SVIL: variants seen among roughly 807,000 people sequenced by gnomAD.
SVIL encodes the protein supervillin.
SVIL carries 101 observed loss-of-function variants against 240.4 expected under a neutral mutation model. The observed-to-expected ratio is 0.42, with a 90% CI of 0.36 to 0.50. The LOEUF (loss-of-function observed/expected upper bound fraction) is 0.50. Among genes scored for constraint, SVIL ranks in the 20% least tolerant of loss-of-function variants. SVIL has a pLI of 0.01. For synonymous variants in SVIL, 999 were observed against 1,100.0 expected (o/e 0.91, Z 1.82); for missense variants, 2,512 against 2,818.7 (o/e 0.89, Z 2.46).
intron 2 of SVIL, among the ~76,000 whole-genome samples, chr10:29,685,239 A>G (rs1398836259): frequency 6.6e-6 from 1 of 152,216 alleles, no homozygotes; most frequent in African/African-American, 2.4e-5. Flanking sequence ...TGTTGCTGCA[A>G]AGGACATGAT....
At chr10:29,612,537 C>A (rs997890928) in intron 1 of SVIL, among the ~76,000 whole-genome samples, 4 of 152,056 alleles carry the variant, frequency 2.6e-5, no homozygotes, top group African/African-American at 9.7e-5. Flanking sequence ...GCTGTCCTCC[C>A]AGGGTGCTCT....
At chr10:29,703,328 C>T (rs1484630156) in intron 1 of SVIL, among the ~76,000 whole-genome samples, 3 of 152,158 alleles carry the variant, frequency 2.0e-5, no homozygotes, top group Admixed American at 6.5e-5. Context: ...TGCGCTTCCC[C>T]TTCCCCAGAC....
chr10:29,580,718 G>A (rs1405569585), intron 1 of SVIL, among the ~76,000 whole-genome samples: 1 of 152,176 alleles, frequency 6.6e-6, no homozygotes, highest in African/African-American at 2.4e-5. Flanking sequence ...CCAGGCTGGA[G>A]TGCAGTGGTA....
chr10:29,507,754 A>C (rs1949488957), intron 17 of SVIL: 1 of 985,208 alleles, frequency 1.0e-6, no homozygotes, highest in African/African-American at 1.7e-5. Context: ...ATCGACACAA[A>C]AGACAGGTAT....
intron 12 of SVIL, among the ~76,000 whole-genome samples, chr10:29,527,385 TTATGTC>T (rs1396602027): frequency 6.6e-6 from 1 of 152,132 alleles, no homozygotes; most frequent in Non-Finnish European, 1.5e-5. Flanking sequence ...AATCAGTAGA[TTATGTC>T]TGTGTTTTAG....
intron 1 of SVIL, among the ~76,000 whole-genome samples, chr10:29,581,446 A>G (rs4749461): frequency 0.45 from 67,843 of 152,090 alleles, 15,511 homozygotes; most frequent in African/African-American, 0.54. Flanking sequence ...AAAATGTTGC[A>G]TTACATCACT....
intron 1 of SVIL, among the ~76,000 whole-genome samples, chr10:29,711,289 A>G (rs1171976599): frequency 1.3e-5 from 2 of 152,162 alleles, no homozygotes; most frequent in African/African-American, 4.8e-5. Context: ...GGTCCCAGCT[A>G]CTGTGGAGAC....
At chr10:29,597,378 G>A (rs562508938) in intron 1 of SVIL, among the ~76,000 whole-genome samples, 41 of 151,960 alleles carry the variant, frequency 2.7e-4, no homozygotes, top group African/African-American at 8.9e-4. Flanking sequence ...GCCTTCAGGC[G>A]CCCACCTGGA....
chr10:29,659,113 A>C (rs1959085724), intron 2 of SVIL, among the ~76,000 whole-genome samples: 1 of 152,160 alleles, frequency 6.6e-6, no homozygotes, highest in Non-Finnish European at 1.5e-5. Flanking sequence ...TTGCCTGACG[A>C]GGTGCAATTT....
upstream of SVIL, among the ~76,000 whole-genome samples, chr10:29,638,833 C>T (rs140883141): frequency 1.2e-4 from 18 of 152,300 alleles, no homozygotes; most frequent in African/African-American, 4.3e-4. Context: ...AAAAGGAAAC[C>T]TGCACATAAT....
intron 2 of SVIL, among the ~76,000 whole-genome samples, chr10:29,566,267 G>A (rs1333394594): frequency 2.6e-5 from 4 of 152,120 alleles, no homozygotes; most frequent in Admixed American, 6.6e-5. Flanking sequence ...ATAATTGCAC[G>A]TGTTTATAAA....
intron 12 of SVIL, among the ~76,000 whole-genome samples, chr10:29,528,874 T>C (rs191523655): frequency 1.3e-5 from 2 of 152,168 alleles, no homozygotes; most frequent in African/African-American, 4.8e-5. Context: ...TCCTATTGTT[T>C]GGAAAGTTAT....
intron 2 of SVIL, among the ~76,000 whole-genome samples, chr10:29,672,301 C>T (rs1959842200): frequency 6.6e-6 from 1 of 152,096 alleles, no homozygotes; most frequent in Non-Finnish European, 1.5e-5. Context: ...TATAATATGG[C>T]CCTTTACAGA....
At chr10:29,539,948 C>T (rs1952021379) in intron 6 of SVIL, among the ~76,000 whole-genome samples, 1 of 152,052 alleles carries the variant, frequency 6.6e-6, no homozygotes, top group African/African-American at 2.4e-5. Flanking sequence ...ACCTCATCAG[C>T]AAGTTCTCTT....
intron 17 of SVIL, among the ~76,000 whole-genome samples, chr10:29,506,701 T>TGGAGGGAGGGG (rs1949337238): frequency 4.4e-4 from 50 of 114,826 alleles, no homozygotes; most frequent in African/African-American, 1.5e-3. Context: ...ACAGAGGCCC[T>TGGAGGGAGGGG]ACGAGGGAGG....
chr10:29,731,002 G>A (rs1314105070), intron 1 of SVIL, among the ~76,000 whole-genome samples: 2 of 152,152 alleles, frequency 1.3e-5, no homozygotes, highest in African/African-American at 4.8e-5. Flanking sequence ...TTAAGGACAT[G>A]TACGTAAAAT....
At chr10:29,584,372 T>A (rs1956073833) in intron 1 of SVIL, among the ~76,000 whole-genome samples, 2 of 152,170 alleles carry the variant, frequency 1.3e-5, no homozygotes, top group South Asian at 4.1e-4. Context: ...CAACTGGAGA[T>A]TCGTTCCTTA....
At chr10:29,465,484 G>T in intron 34 of SVIL, 111 bp downstream of exon 34, 1 of 1,344,304 alleles carries the variant, frequency 7.4e-7, no homozygotes, top group Non-Finnish European at 1.0e-6. Context: ...GGTGCTCTGG[G>T]AATGTACTTG....
chr10:29,551,637 G>A (rs2887238), intron 5 of SVIL, among the ~76,000 whole-genome samples: 77,841 of 152,040 alleles, frequency 0.51, 20,177 homozygotes, highest in African/African-American at 0.59. Context: ...GGATGAGTTG[G>A]GTCCTCTGGG....
Sources: gnomAD v4.1 joint callset for allele counts (sites outside exome capture counted in the v4.1 genomes callset) on GRCh38, gnomAD v4.1.1 for gene constraint, MANE v1.5 for transcripts, NCBI Gene and HGNC (gene_info 2026-07-23, HGNC 2026-07-21) for gene names.